CTSC: variants seen among roughly 807,000 people sequenced by gnomAD.
CTSC encodes the protein dipeptidyl peptidase 1.
In CTSC, 37 loss-of-function variants were observed where a neutral mutation model predicts 40.9. That is an observed-to-expected ratio of 0.91 (90% CI 0.70 to 1.19). The LOEUF (loss-of-function observed/expected upper bound fraction) is 1.19, where lower values mean the gene tolerates loss of function less well. Among genes scored for constraint, CTSC ranks in the 50% most tolerant of loss-of-function variants. CTSC has a pLI of 0.00. For synonymous variants in CTSC, 232 were observed against 207.4 expected, an observed-to-expected ratio of 1.12 and a Z score of -1.02; for missense variants, 594 against 567.3, an observed-to-expected ratio of 1.05 and a Z score of -0.48.
At chr11:88,324,607 G>A (rs1484359559) in intron 2 of CTSC, 1 of 984,420 alleles carries the variant, frequency 1.0e-6, no homozygotes, top group Non-Finnish European at 1.2e-6. Flanking sequence ...TGTGCATTAG[G>A]TGTTGAAGAT....
intron 2 of CTSC, among the ~76,000 whole-genome samples, chr11:88,330,425 T>A (rs538985952): frequency 6.6e-6 from 1 of 151,352 alleles, no homozygotes; most frequent in East Asian, 2.0e-4. Flanking sequence ...CTCGGCTCAC[T>A]GCAACCTCTG....
intron 2 of CTSC, chr11:88,324,880 A>G: frequency 1.0e-6 from 1 of 985,370 alleles, no homozygotes; most frequent in Non-Finnish European, 1.2e-6. Context: ...TGTACTCTTA[A>G]TTCATCTTTC....
intron 2 of CTSC, chr11:88,328,296 C>T: frequency 1.2e-6 from 1 of 818,228 alleles, no homozygotes; most frequent in East Asian, 2.6e-5. Flanking sequence ...CAGTGCTAAA[C>T]TTCTGATACT....
intron 3 of CTSC, among the ~76,000 whole-genome samples, chr11:88,310,636 T>C (rs1028813052): frequency 2.0e-5 from 3 of 152,124 alleles, no homozygotes; most frequent in Non-Finnish European, 4.4e-5. Flanking sequence ...AGGTTGATAA[T>C]GTTTTAATGT....
At chr11:88,334,725 CA>C in intron 2 of CTSC, 1 of 530,462 alleles carries the variant, frequency 1.9e-6, no homozygotes, top group East Asian at 3.2e-5. Context: ...TATACATATT[CA>C]AATGTAGCAC....
At chr11:88,301,748 G>C (rs541634770) in intron 4 of CTSC, among the ~76,000 whole-genome samples, 11 of 151,906 alleles carry the variant, frequency 7.2e-5, no homozygotes, top group Non-Finnish European at 1.5e-4. Flanking sequence ...TGTTCTAACA[G>C]CTTCTCTGTA....
intron 4 of CTSC, among the ~76,000 whole-genome samples, chr11:88,302,920 AAC>A (rs1349629593): frequency 6.6e-6 from 1 of 152,184 alleles, no homozygotes; most frequent in African/African-American, 2.4e-5. Flanking sequence ...AATGCTATAA[AAC>A]ACACAATTTG....
At chr11:88,312,609 G>T in intron 2 of CTSC, 55 bp from the exon 3 acceptor site, 2 of 1,599,512 alleles carry the variant, frequency 1.3e-6, no homozygotes, top group East Asian at 2.2e-5. Flanking sequence ...CAAATTTCAG[G>T]TCCATTTCCA....
Position 88,293,727 on chromosome 11 carries a change from T to C in CTSC, c.*279A>G, listed in dbSNP as rs146045268. 879 of 433,676 alleles carry C rather than the reference T, an allele frequency of 2.0e-3. 7 individuals carry two copies. Among genetic ancestry groups the C allele is most frequent in the African/African-American group, 0.016 (817 of 50,918 alleles). The allele number at this position is 433,676 out of a possible 1,614,324, so 26.9% of individuals were successfully genotyped here. A position where few individuals can be genotyped will look rare whatever the true frequency, so the allele number is the denominator to read the frequency against. On this transcript the variant is annotated 3_prime_UTR_variant, in exon 7 of 7. Transcript: ENST00000227266. ...GTTTTCACATTGATTTTAAAAAATATAGCATGTTTGAATTACAAATGATTA... is the reference window on the plus strand; with the variant it reads ...GTTTTCACATTGATTTTAAAAAATACAGCATGTTTGAATTACAAATGATTA...
Position 88,337,581 on chromosome 11 carries a change from G to T in CTSC, c.92C>A (p.Thr31Asn). 1.9e-6 allele frequency: 3 copies of T among 1,577,816 alleles called. No homozygotes were observed. The highest frequency in any genetic ancestry group is 2.6e-6 in the Non-Finnish European group (3 of 1,160,936). ...CCAGGTGCCCAGCAGGTCAAGATAG[G>T]TGCAGTTGGCAGGTGTGTCGCAGCG... ...AVRCDTPANC[T>N]YLDLLGTWVF... The change falls in exon 1 of 7, where the codon ACC (threonine) becomes AAC (asparagine). Residue 31 changes from threonine to asparagine, a missense_variant. By Grantham distance (65) the Thr-to-Asn change is moderately conservative. Coordinates refer to ENST00000227266, the MANE Select transcript of CTSC (RefSeq NM_001814.6).
At chr11:88,333,288 C>G (rs1274268572) in intron 2 of CTSC, among the ~76,000 whole-genome samples, 1 of 152,224 alleles carries the variant, frequency 6.6e-6, no homozygotes, top group Non-Finnish European at 1.5e-5. Context: ...GTACTTGTCT[C>G]TTTTTACCTA....
chr11:88,306,153 A>G (rs1274324853), intron 4 of CTSC, among the ~76,000 whole-genome samples: 3 of 152,246 alleles, frequency 2.0e-5, no homozygotes, highest in African/African-American at 7.2e-5. Flanking sequence ...ACTGCAAAAG[A>G]TTCTTTTAAG....
At chr11:88,332,006 A>G (rs555071422) in intron 2 of CTSC, among the ~76,000 whole-genome samples, 46 of 152,240 alleles carry the variant, frequency 3.0e-4, no homozygotes, top group Non-Finnish European at 6.8e-4. Flanking sequence ...TCGAGCAGCA[A>G]GAACAATAAG....
chr11:88,337,660 GC>G lies in CTSC; in HGVS notation c.12del (p.Ser6ProfsTer59). The G allele has an allele frequency of 6.3e-7, 1 of 1,578,790 alleles. No individual in the cohort carries two copies. The highest frequency in any genetic ancestry group is 1.8e-5 in the Admixed American group (1 of 54,852). On this transcript the variant is annotated frameshift_variant, in exon 1 of 7. Transcript: ENST00000227266. LOFTEE classifies it high-confidence loss of function. ...AGGAGGGCGGCGAGCAGCAAGGAGG[GC>G]CCAGCACCCATGCTGCAGGGAGCTG... MGA[G>X]PSLLLAALLL...
chr11:88,323,952 C>T (rs1938105899), intron 2 of CTSC: 1 of 152,070 alleles, frequency 6.6e-6, no homozygotes, highest in African/African-American at 2.4e-5. Context: ...GCTCGTATAG[C>T]CAAGACAATC....
chr11:88,333,242 G>A (rs1402797907), intron 2 of CTSC, among the ~76,000 whole-genome samples: 11 of 152,120 alleles, frequency 7.2e-5, no homozygotes, highest in Admixed American at 7.2e-4. Flanking sequence ...CAGAATTTAA[G>A]AATCAAAAGT....
At position 88,312,555 on chromosome 11, in the gene CTSC, C is replaced by T. The variant is rs754779432; in HGVS notation, c.319-1G>A. ...TCACCTTGCTGCCCTCTTCTTTATA[C>T]TGCAAACAAATAAGAGAAAAGAAAA... On this transcript the variant is annotated splice_acceptor_variant, in intron 2 of 6. Coordinates refer to ENST00000227266, the MANE Select transcript of CTSC (RefSeq NM_001814.6). LOFTEE classifies it high-confidence loss of function. 5 of 1,614,082 alleles carry T rather than the reference C, an allele frequency of 3.1e-6. No homozygotes were observed. Among genetic ancestry groups the T allele is most frequent in the Middle Eastern group, 1.6e-4 (1 of 6,062 alleles).
intron 2 of CTSC, chr11:88,320,803 C>A: frequency 2.1e-6 from 2 of 944,592 alleles, no homozygotes; most frequent in Non-Finnish European, 2.5e-6. Context: ...TAAAACAATA[C>A]CACATGATAT....
intron 1 of CTSC, 51 bp downstream of exon 1, chr11:88,337,450 G>T (rs1166771268): frequency 2.0e-6 from 3 of 1,532,732 alleles, no homozygotes; most frequent in South Asian, 1.2e-5. Context: ...CTGCGTTAGG[G>T]GCTCAAGGGC....
Sources: gnomAD v4.1 joint callset for allele counts (sites outside exome capture counted in the v4.1 genomes callset) on GRCh38, gnomAD v4.1.1 for gene constraint, MANE v1.5 for transcripts, NCBI Gene and HGNC (gene_info 2026-07-23, HGNC 2026-07-21) for gene names.